GET4: variants seen among roughly 807,000 people sequenced by gnomAD.
GET4 encodes the protein guided entry of tail-anchored proteins factor 4.
In GET4, 20 loss-of-function variants were observed where a neutral mutation model predicts 40.0. That is an observed-to-expected ratio of 0.50 (90% CI 0.35 to 0.73). The LOEUF (loss-of-function observed/expected upper bound fraction) is 0.73, where lower values mean the gene tolerates loss of function less well. GET4 is among the 30% of genes least tolerant of loss of function. GET4 has a pLI of 0.01. For missense variants in GET4, 557 were observed against 454.0 expected (o/e 1.23, Z -2.06); for synonymous variants, 280 against 194.6 (o/e 1.44, Z -3.65).
rs367907098 is a variant in GET4 at position 893,833 on chromosome 7, G to A, written c.822+18G>A. On this transcript the variant is annotated intron_variant, in intron 7 of 8. Coordinates refer to ENST00000265857, the MANE Select transcript of GET4 (RefSeq NM_015949.3). Reference sequence around the variant, plus strand: ...ACAACGAGGTGAGAGCTTGGGGCTGGGGAGGGAGGAGGGGACCCCACGGTC... The same window carrying A: ...ACAACGAGGTGAGAGCTTGGGGCTGAGGAGGGAGGAGGGGACCCCACGGTC... The A allele has an allele frequency of 3.7e-6, 6 of 1,608,838 alleles. No individual in the cohort carries two copies. In the African/African-American group the frequency reaches 8.0e-5, roughly 22 times the overall value.
chr7:889,338 G>C (rs1844263052), intron 4 of GET4, among the ~76,000 whole-genome samples: 1 of 152,250 alleles, frequency 6.6e-6, no homozygotes, highest in South Asian at 2.1e-4. Flanking sequence ...CTGAGCACAG[G>C]CTCCATACGG....
chr7:889,414 G>A (rs899696018), intron 4 of GET4, among the ~76,000 whole-genome samples: 3 of 152,234 alleles, frequency 2.0e-5, no homozygotes, highest in Non-Finnish European at 4.4e-5. Context: ...TCCTGGGGAT[G>A]AAATCACACC....
At chr7:892,448 G>A (rs759504905) in intron 6 of GET4, 30 bp downstream of exon 6, 7 of 1,580,394 alleles carry the variant, frequency 4.4e-6, no homozygotes, top group African/African-American at 4.0e-5. Context: ...AGGGGGAGGG[G>A]GCTGTGAATG....
chr7:892,475 A>G, intron 6 of GET4, 57 bp downstream of exon 6: 1 of 1,556,938 alleles, frequency 6.4e-7, no homozygotes, highest in Non-Finnish European at 8.8e-7. Context: ...TTGTGTGTAG[A>G]CGTGGTGTGG....
At chr7:894,709 G>C (rs1292475084) in intron 8 of GET4, among the ~76,000 whole-genome samples, 1 of 152,228 alleles carries the variant, frequency 6.6e-6, no homozygotes, top group African/African-American at 2.4e-5. Flanking sequence ...CTGAGATGGG[G>C]TGACGTCGTG....
intron 3 of GET4, 182 bp from the exon 4 acceptor site, chr7:887,188 C>T: frequency 1.3e-6 from 1 of 766,210 alleles, no homozygotes; most frequent in South Asian, 1.4e-5. Context: ...TGCTCTGGGG[C>T]ACATGGCGCT....
At chr7:887,563 G>A (rs368879576) in intron 4 of GET4, 44 bp downstream of exon 4, 33 of 1,444,940 alleles carry the variant, frequency 2.3e-5, no homozygotes, top group Non-Finnish European at 2.7e-5. Context: ...CTCTGCTCTC[G>A]GCGTTGATTT....
At chr7:889,576 C>T (rs1396564613) in intron 4 of GET4, among the ~76,000 whole-genome samples, 2 of 151,822 alleles carry the variant, frequency 1.3e-5, no homozygotes, top group East Asian at 3.9e-4. Context: ...GAGGCAGGCG[C>T]CTGGTGAGTG....
intron 1 of GET4, among the ~76,000 whole-genome samples, chr7:878,976 A>C (rs868609573): frequency 3.1e-4 from 47 of 149,816 alleles, no homozygotes; most frequent in African/African-American, 3.4e-4. Flanking sequence ...CCCCACAGAC[A>C]CCCCCCCCCG....
chr7:877,470 CG>C (rs1366901064), intron 1 of GET4, among the ~76,000 whole-genome samples: 1 of 99,020 alleles, frequency 1.0e-5, no homozygotes, highest in African/African-American at 4.2e-5. Context: ...CTCTGCCCCC[CG>C]CCTCTCTCCC....
chr7:892,882 G>T (rs116926858), intron 6 of GET4, among the ~76,000 whole-genome samples: 1 of 151,748 alleles, frequency 6.6e-6, no homozygotes, highest in East Asian at 1.9e-4. Flanking sequence ...TGTGTGTTGT[G>T]TGTAGACGTG....
At chr7:891,623 C>T (rs540281543) in intron 5 of GET4, among the ~76,000 whole-genome samples, 1 of 152,210 alleles carries the variant, frequency 6.6e-6, no homozygotes, top group African/African-American at 2.4e-5. Context: ...CTCACGAAAG[C>T]CTTACTTGTG....
intron 1 of GET4, chr7:884,417 C>T (rs1274425114): frequency 2.4e-6 from 3 of 1,250,474 alleles, no homozygotes; most frequent in African/African-American, 1.5e-5. Context: ...CCAGAACCTT[C>T]ACTGTGCGGG....
chr7:883,807 G>A, intron 1 of GET4: 2 of 992,156 alleles, frequency 2.0e-6, no homozygotes, highest in Non-Finnish European at 1.2e-6. Context: ...CTCCAGTACA[G>A]GAGGAGAAGC....
At chr7:880,695 G>A (rs1447434028) in intron 1 of GET4, 1 of 152,248 alleles carries the variant, frequency 6.6e-6, no homozygotes, top group Non-Finnish European at 1.5e-5. Flanking sequence ...TTGGCTTGGA[G>A]CCTTTCAAGC....
Position 895,637 on chromosome 7 carries a change from G to A in GET4, c.*215G>A, listed in dbSNP as rs973845504. Reference sequence around the variant, plus strand: ...CCAAGAGTGGGGCGTCGCCCCTGCTGGCCGCCGCGTCCCCCGAGATTGACC... The same window carrying A: ...CCAAGAGTGGGGCGTCGCCCCTGCTAGCCGCCGCGTCCCCCGAGATTGACC... On this transcript the variant is annotated 3_prime_UTR_variant, in exon 9 of 9. Coordinates refer to ENST00000265857, the MANE Select transcript of GET4 (RefSeq NM_015949.3). 26 of 425,164 alleles carry A rather than the reference G, an allele frequency of 6.1e-5. 1 individual carries two copies. Among genetic ancestry groups the A allele is most frequent in the African/African-American group, 5.0e-4 (24 of 48,482 alleles). 26.3% of individuals were successfully genotyped at this position (425,164 alleles called of 1,614,324 possible).
At chr7:879,134 T>C (rs2128626326) in intron 1 of GET4, among the ~76,000 whole-genome samples, 1 of 152,336 alleles carries the variant, frequency 6.6e-6, no homozygotes, top group African/African-American at 2.4e-5. Flanking sequence ...TTTCTTTCCA[T>C]AGCAAGTGGA....
At position 893,937 on chromosome 7, in the gene GET4, G is replaced by A. The variant is rs145079474; in HGVS notation, c.861G>A (p.Pro287=). ...TAGGACAGCTGTTCTTCGGCGTCCC[G>A]CCCAAGCAGACGTCTTCCTACGGGG... ...DRIGQLFFGV[P]PKQTSSYGGL... Residue 287 remains proline, a synonymous_variant, in exon 8 of 9, where the codon CCG becomes CCA. Transcript: ENST00000265857. 91 of 1,607,066 alleles carry A rather than the reference G, an allele frequency of 5.7e-5. No individual in the cohort carries two copies. The highest frequency in any genetic ancestry group is 3.5e-4 in the Middle Eastern group (2 of 5,740).
At chr7:890,751 C>A (rs1048029367) in intron 4 of GET4, among the ~76,000 whole-genome samples, 177 bp from the exon 5 acceptor site, 1 of 152,052 alleles carries the variant, frequency 6.6e-6, no homozygotes, top group South Asian at 2.1e-4. Flanking sequence ...TTTGGTGCTG[C>A]GTGTGAGGCC....
Sources: gnomAD v4.1 joint callset for allele counts (sites outside exome capture counted in the v4.1 genomes callset) on GRCh38, gnomAD v4.1.1 for gene constraint, MANE v1.5 for transcripts, NCBI Gene and HGNC (gene_info 2026-07-23, HGNC 2026-07-21) for gene names.